The following UPB1 variants were observed in gnomAD, a reference collection of about 807,000 sequenced individuals.
The protein encoded by UPB1 is beta-ureidopropionase.
UPB1 carries 40 observed loss-of-function variants against 49.1 expected under a neutral mutation model. The observed-to-expected ratio is 0.81, with a 90% CI of 0.63 to 1.06. The LOEUF is 1.06. Among genes scored for constraint, UPB1 ranks in the 50% least tolerant of loss-of-function variants. The pLI is 0.00. For synonymous variants in UPB1, 207 were observed against 198.2 expected (o/e 1.04, Z -0.38); for missense variants, 499 against 505.9 (o/e 0.99, Z 0.13).
At chr22:24,509,633 C>T (rs557721015) in intron 3 of UPB1, among the ~76,000 whole-genome samples, 1 of 152,290 alleles carries the variant, frequency 6.6e-6, no homozygotes, top group East Asian at 1.9e-4. Context: ...ATACTTTCCC[C>T]AAGGAGTCAA....
intron 5 of UPB1, among the ~76,000 whole-genome samples, chr22:24,514,421 G>T (rs1312130006): frequency 6.6e-6 from 1 of 152,150 alleles, no homozygotes; most frequent in South Asian, 2.1e-4. Flanking sequence ...GATCTGCTCC[G>T]GTGTTCACCA....
At chr22:24,520,313 A>AGGCTC in intron 6 of UPB1, 74 bp from the exon 7 acceptor site, 1 of 1,547,104 alleles carries the variant, frequency 6.5e-7, no homozygotes, top group South Asian at 1.1e-5. Flanking sequence ...CAGCCAGGCC[A>AGGCTC]GGCTCAGGGC....
chr22:24,522,487 C>A lies in UPB1; in HGVS notation c.916+459C>A, dbSNP rs112285990. On this transcript the variant is annotated intron_variant, in intron 8 of 9. Transcript: ENST00000326010. ...CTTGTTTTGATCCAAGGGCATATAC[C>A]ACCTCACCTCTGCTAAGAACCCTAA... 3.6e-3 allele frequency among the ~76,000 whole-genome samples: 554 copies of A among 152,170 alleles called. 7 individuals carry two copies. Among genetic ancestry groups the A allele is most frequent in the African/African-American group, 0.013 (534 of 41,516 alleles).
chr22:24,510,664 C>T, intron 3 of UPB1, 85 bp from the exon 4 acceptor site: 2 of 1,399,572 alleles, frequency 1.4e-6, no homozygotes, highest in Non-Finnish European at 2.0e-6. Flanking sequence ...TATTCTTTTG[C>T]AGTGACTTCC....
rs200145797 is a variant in UPB1, at chr22:24,495,494, G to A, written c.91G>A (p.Gly31Ser). 9.4e-5 allele frequency: 151 copies of A among 1,614,082 alleles called. 1 individual carries two copies. The East Asian group carries it at 2.9e-3, about 31-fold the overall frequency. ...DLQEVKRVLY[G>S]KELRKLDLPR... ...GCAGGAAGTGAAGCGCGTTCTCTAT[G>A]GCAAGGAACTCAGGTCCGCAGCCAA... The change falls in exon 1 of 10, where the codon GGC (glycine) becomes AGC (serine). Residue 31 changes from glycine to serine, a missense_variant. Physicochemically the swap from Gly to Ser is moderately conservative, Grantham distance 56 (BLOSUM62 0). Transcript: ENST00000326010.
At chr22:24,503,390 T>G (rs1440139435) in intron 3 of UPB1, 1 of 152,320 alleles carries the variant, frequency 6.6e-6, no homozygotes, top group Non-Finnish European at 1.5e-5. Context: ...GCTCTTGTGT[T>G]TCTCTGTTCC....
At position 24,522,003 on chromosome 22, in the gene UPB1, G is replaced by A. The variant is rs1331265969; in HGVS notation, c.891G>A (p.Glu297=). The change falls in exon 8 of 10, where the codon GAG becomes GAA. Residue 297 remains glutamate, a synonymous_variant. Coordinates refer to ENST00000326010, the MANE Select transcript of UPB1 (RefSeq NM_016327.3). The part of the protein sequence containing the change: ...NRVGTEHFPN[E]FTSGDGKKAH... ...TTTCACAGGAGCACTTCCCGAACGA[G>A]TTTACCTCGGGAGATGGAAAGAAAG... The A allele has an allele frequency of 6.2e-7, 1 of 1,614,044 alleles. No individual in the cohort carries two copies. The highest frequency in any genetic ancestry group is 8.5e-7 in the Non-Finnish European group (1 of 1,180,034).
At chr22:24,524,833 G>T (rs781635882) in intron 9 of UPB1, among the ~76,000 whole-genome samples, 3 of 152,128 alleles carry the variant, frequency 2.0e-5, no homozygotes, top group African/African-American at 4.8e-5. Context: ...AATGTCCATT[G>T]TTATAACTGA....
chr22:24,512,500 A>G (rs1047415557), intron 4 of UPB1, among the ~76,000 whole-genome samples: 1 of 152,256 alleles, frequency 6.6e-6, no homozygotes, highest in African/African-American at 2.4e-5. Flanking sequence ...TATTTTTGGC[A>G]TAGATAAGTC....
intron 6 of UPB1, among the ~76,000 whole-genome samples, chr22:24,519,130 T>C (rs1306641665): frequency 6.6e-6 from 1 of 152,160 alleles, no homozygotes; most frequent in African/African-American, 2.4e-5. Flanking sequence ...TCTGTAAAAA[T>C]CATTTCTGAA....
At chr22:24,516,362 G>C (rs911218100) in intron 6 of UPB1, 10 of 152,240 alleles carry the variant, frequency 6.6e-5, no homozygotes, top group African/African-American at 2.2e-4. Context: ...CATTTAGGAG[G>C]GGCATCCAGC....
At chr22:24,516,695 C>T (rs1353066739) in intron 6 of UPB1, 2 of 151,860 alleles carry the variant, frequency 1.3e-5, no homozygotes, top group Non-Finnish European at 2.9e-5. Flanking sequence ...CTCTTGTCCT[C>T]ATTCTTGACT....
chr22:24,506,979 C>T (rs1433954534), intron 3 of UPB1, among the ~76,000 whole-genome samples: 1 of 149,970 alleles, frequency 6.7e-6, no homozygotes, highest in Non-Finnish European at 1.5e-5. Context: ...ATCTCCTTCC[C>T]TCTAGGCTGG....
chr22:24,512,681 T>A (rs747277693), intron 4 of UPB1, among the ~76,000 whole-genome samples: 2 of 152,152 alleles, frequency 1.3e-5, no homozygotes, highest in Non-Finnish European at 2.9e-5. Flanking sequence ...AAACAATAGC[T>A]CCCCATTCCC....
rs745972727 is a variant in UPB1, at chr22:24,522,031, ATG to A, written c.916+5_916+6del. On this transcript the variant is annotated splice_donor_5th_base_variant and intron_variant, in intron 8 of 9. Coordinates refer to ENST00000326010, the MANE Select transcript of UPB1 (RefSeq NM_016327.3). ...TACCTCGGGAGATGGAAAGAAAGGT[ATG>A]TCCCATGAACCATGGTGGCTGCAGT... 1 of 1,613,874 alleles carries A rather than the reference ATG, an allele frequency of 6.2e-7. No homozygotes were observed. The highest frequency in any genetic ancestry group is 1.7e-5 in the Admixed American group (1 of 60,024).
intron 3 of UPB1, among the ~76,000 whole-genome samples, chr22:24,509,609 C>G (rs983805605): frequency 6.6e-6 from 1 of 152,086 alleles, no homozygotes; most frequent in South Asian, 2.1e-4. Flanking sequence ...AGTGCCATCC[C>G]CAGCAGCCTT....
rs543539730 is a variant in UPB1, at chr22:24,507,270, A to G, written c.365-3479A>G. 4.6e-5 allele frequency among the ~76,000 whole-genome samples: 7 copies of G among 152,262 alleles called. No individual in the cohort carries two copies. In the South Asian group the frequency reaches 1.4e-3, roughly 32 times the overall value. Reference sequence around the variant, plus strand: ...CTTTTCTGTTGGCTTCCTTAAAATAATTCATCTCTCTTCACAGAAGGCGAG... The same window carrying G: ...CTTTTCTGTTGGCTTCCTTAAAATAGTTCATCTCTCTTCACAGAAGGCGAG... On this transcript the variant is annotated intron_variant, in intron 3 of 9. Transcript: ENST00000326010.
intron 3 of UPB1, chr22:24,502,738 T>G (rs1406985145): frequency 1.8e-6 from 1 of 559,060 alleles, no homozygotes. Context: ...GAATTTACCT[T>G]TGTTAGTGTT....
chr22:24,510,639 G>T lies in UPB1; in HGVS notation c.365-110G>T, dbSNP rs370722548. ...AACAGGACCCAGAAGCCAGGCCATG[G>T]CACTCCTGAGACTGTATTCTTTTGC... On this transcript the variant is annotated intron_variant, in intron 3 of 9. Transcript: ENST00000326010. 138 of 1,175,090 alleles carry T rather than the reference G, an allele frequency of 1.2e-4. No homozygotes were observed. In the East Asian group the frequency reaches 2.9e-3, roughly 25 times the overall value. The allele number at this position is 1,175,090 out of a possible 1,614,324, so 72.8% of individuals were successfully genotyped here.
Sources: gnomAD v4.1 joint callset for allele counts (sites outside exome capture counted in the v4.1 genomes callset) on GRCh38, gnomAD v4.1.1 for gene constraint, MANE v1.5 for transcripts, NCBI Gene and HGNC (gene_info 2026-07-23, HGNC 2026-07-21) for gene names.